Variants in LYRM7 observed in about 807,000 individuals in gnomAD.
LYRM7 encodes LYR motif containing 7, also known as complex III assembly factor LYRM7.
Under a neutral mutation model 15.8 loss-of-function variants are expected in LYRM7, and 9 were observed. The ratio of observed to expected loss-of-function variants is 0.57; its 90% CI spans 0.34 to 0.99. LYRM7 has a LOEUF of 0.99. LYRM7 is among the 50% of genes least tolerant of loss of function. The pLI is 0.02. For synonymous variants in LYRM7, 39 were observed against 39.4 expected (o/e 0.99, Z 0.04); for missense variants, 115 against 119.1 (o/e 0.97, Z 0.16).
intron 4 of LYRM7, among the ~76,000 whole-genome samples, chr5:131,197,611 T>A (rs1338117752): frequency 6.7e-6 from 1 of 149,672 alleles, no homozygotes; most frequent in South Asian, 2.1e-4. Context: ...GCATAATTAT[T>A]GCTCACTGTA....
At position 131,200,066 on chromosome 5, in the gene LYRM7, GA is replaced by G. The variant is rs1215434392; in HGVS notation, c.*468del. 6 of 152,354 alleles carry G rather than the reference GA, an allele frequency of 3.9e-5. No homozygotes were observed. The highest frequency in any genetic ancestry group is 1.2e-4 in the African/African-American group (5 of 41,450). 9.4% of individuals were successfully genotyped at this position (152,354 alleles called of 1,614,324 possible). Reference sequence around the variant, plus strand: ...TCACAGTGTATGCCAGCTCTCTACAGAAAGTGGCCTTTGTTTTCTAAAGCAC... The same window carrying G: ...TCACAGTGTATGCCAGCTCTCTACAGAAGTGGCCTTTGTTTTCTAAAGCAC... On this transcript the variant is annotated 3_prime_UTR_variant, in exon 5 of 5. Transcript: ENST00000379380.
At position 131,180,175 on chromosome 5, in the gene LYRM7, T is replaced by C; in HGVS notation, c.91+8T>C. On this transcript the variant is annotated splice_region_variant and intron_variant, in intron 2 of 4. Coordinates refer to ENST00000379380, the MANE Select transcript of LYRM7 (RefSeq NM_181705.4). The stretch of plus-strand genomic sequence containing the variant: ...ATGCCAGAGCATTAGAAGGTAAGTA[T>C]GTTCTTTACCCCTTTGGAGCCAGTC... 6.3e-7 allele frequency: 1 copy of C among 1,593,314 alleles called. No homozygotes were observed. Among genetic ancestry groups the C allele is most frequent in the Non-Finnish European group, 8.6e-7 (1 of 1,161,274 alleles).
At chr5:131,192,112 A>C (rs1201454504) in intron 4 of LYRM7, among the ~76,000 whole-genome samples, 1 of 151,876 alleles carries the variant, frequency 6.6e-6, no homozygotes, top group Non-Finnish European at 1.5e-5. Context: ...AAAAACAAGG[A>C]AATCTTGTCA....
At chr5:131,179,261 G>A (rs1333498071) in intron 1 of LYRM7, among the ~76,000 whole-genome samples, 1 of 151,986 alleles carries the variant, frequency 6.6e-6, no homozygotes, top group African/African-American at 2.4e-5. Flanking sequence ...GGCTAAAAAT[G>A]TTTTTAATGT....
rs78279710 is a variant in LYRM7 at position 131,199,650 on chromosome 5, C to T, written c.*49C>T. On this transcript the variant is annotated 3_prime_UTR_variant, in exon 5 of 5. Coordinates refer to ENST00000379380, the MANE Select transcript of LYRM7 (RefSeq NM_181705.4). ...TTGTACTTTTTAACTTTAAAATCTA[C>T]AACTCTGGCAAAAGTCCTGGAAATG... The T allele has an allele frequency of 3.7e-6, 5 of 1,339,508 alleles. No individual in the cohort carries two copies. The highest frequency in any genetic ancestry group is 1.5e-5 in the African/African-American group (1 of 67,952). The allele number at this position is 1,339,508 out of a possible 1,614,324, so 83.0% of individuals were successfully genotyped here.
chr5:131,186,276 G>GA (rs1755793781), intron 3 of LYRM7, among the ~76,000 whole-genome samples: 1 of 152,162 alleles, frequency 6.6e-6, no homozygotes, highest in Non-Finnish European at 1.5e-5. Flanking sequence ...ATAAAAGAAA[G>GA]ATTCAACTGC....
chr5:131,190,773 G>C (rs1366816972), intron 4 of LYRM7, among the ~76,000 whole-genome samples: 1 of 152,174 alleles, frequency 6.6e-6, no homozygotes, highest in African/African-American at 2.4e-5. Flanking sequence ...TTACAGGTGT[G>C]AGCCACTGCA....
intron 3 of LYRM7, 141 bp from the exon 4 acceptor site, chr5:131,186,887 C>T: frequency 3.5e-6 from 2 of 578,580 alleles, no homozygotes; most frequent in African/African-American, 1.9e-5. Flanking sequence ...CACAGTTGAC[C>T]ACGGATAACT....
At chr5:131,195,921 TCAGCAGGACCTAATGGAA>T in intron 4 of LYRM7, among the ~76,000 whole-genome samples, 1 of 152,088 alleles carries the variant, frequency 6.6e-6, no homozygotes, top group Non-Finnish European at 1.5e-5. Context: ...ACAATGAGGC[TCAGCAGGACCTAATGGAA>T]ACACTAGCAC....
At chr5:131,181,274 TG>T (rs1755686707) in intron 2 of LYRM7, among the ~76,000 whole-genome samples, 1 of 8,738 alleles carries the variant, frequency 1.1e-4, no homozygotes, top group Non-Finnish European at 2.3e-4. Flanking sequence ...AGACTCCATC[TG>T]AAAAAAAAAA....
At chr5:131,197,641 A>C (rs780212524) in intron 4 of LYRM7, among the ~76,000 whole-genome samples, 1 of 145,640 alleles carries the variant, frequency 6.9e-6, no homozygotes, top group Non-Finnish European at 1.5e-5. Context: ...TCCTGGGCTC[A>C]AGCAATCCTC....
At position 131,201,505 on chromosome 5, in the gene LYRM7, T is replaced by G. The variant is rs1756065492; in HGVS notation, c.*1904T>G. ...GCCGAGGCAGGCAGATCACCTGAGG[T>G]CAGGAGTTCTAGACCAGCCTGACCA... On this transcript the variant is annotated 3_prime_UTR_variant, in exon 5 of 5. Coordinates refer to ENST00000379380, the MANE Select transcript of LYRM7 (RefSeq NM_181705.4). The G allele has an allele frequency of 6.6e-6, 1 of 151,944 alleles. No homozygotes were observed. Among genetic ancestry groups the G allele is most frequent in the Non-Finnish European group, 1.5e-5 (1 of 68,150 alleles). 9.4% of individuals were successfully genotyped at this position (151,944 alleles called of 1,614,324 possible).
intron 4 of LYRM7, among the ~76,000 whole-genome samples, chr5:131,197,691 A>G (rs918583158): frequency 1.3e-5 from 2 of 151,570 alleles, no homozygotes; most frequent in East Asian, 1.9e-4. Context: ...ACAGGTGTGC[A>G]CCACCATGCC....
At chr5:131,188,731 A>C (rs1173537832) in intron 4 of LYRM7, among the ~76,000 whole-genome samples, 4 of 152,088 alleles carry the variant, frequency 2.6e-5, no homozygotes, top group Non-Finnish European at 4.4e-5. Context: ...TTTCTGTGAG[A>C]AGTTCTTAAT....
chr5:131,180,518 A>G (rs889881973), intron 2 of LYRM7, among the ~76,000 whole-genome samples: 3 of 152,198 alleles, frequency 2.0e-5, no homozygotes, highest in Admixed American at 2.0e-4. Flanking sequence ...AATGTCTTAT[A>G]TCAGTCTAAA....
chr5:131,196,920 T>C (rs922798937), intron 4 of LYRM7, among the ~76,000 whole-genome samples: 2 of 152,122 alleles, frequency 1.3e-5, no homozygotes, highest in African/African-American at 4.8e-5. Context: ...CCTCCCAAAG[T>C]GCTGTGATTA....
chr5:131,185,906 G>T (rs933142323), intron 3 of LYRM7, among the ~76,000 whole-genome samples: 1 of 152,208 alleles, frequency 6.6e-6, no homozygotes, highest in African/African-American at 2.4e-5. Context: ...TTTTGTCATT[G>T]TCAGCAAATA....
At chr5:131,171,609 G>C (rs1755523747) in intron 1 of LYRM7, 1 of 152,190 alleles carries the variant, frequency 6.6e-6, no homozygotes, top group South Asian at 2.1e-4. Flanking sequence ...TACCTACCTG[G>C]TCTCAGATTC....
chr5:131,183,332 A>G (rs1755742961), intron 3 of LYRM7, among the ~76,000 whole-genome samples: 1 of 152,208 alleles, frequency 6.6e-6, no homozygotes, highest in South Asian at 2.1e-4. Context: ...AGAAATTAAA[A>G]TGACCATATA....
Sources: allele counts gnomAD v4.1 joint callset (sites outside exome capture counted in the v4.1 genomes callset), GRCh38; gene constraint gnomAD v4.1.1; transcripts MANE v1.5; gene names NCBI Gene and HGNC (gene_info 2026-07-23, HGNC 2026-07-21).